The following NECAB2 variants were observed in gnomAD, a reference collection of about 807,000 sequenced individuals.
NECAB2 encodes N-terminal EF-hand calcium binding protein 2.
A neutral mutation model predicts 51.9 loss-of-function variants in NECAB2; 68 were observed. The ratio of observed to expected loss-of-function variants is 1.31; its 90% confidence interval spans 1.08 to 1.60. The LOEUF (loss-of-function observed/expected upper bound fraction) is 1.60. Ranked by LOEUF, NECAB2 falls within the 40% of genes most tolerant of loss-of-function variation. The probability of loss-of-function intolerance (pLI) is 0.00; values close to 1 mark genes in which losing one functional copy is unlikely to be tolerated. For synonymous variants in NECAB2, 329 were observed against 203.5 expected (o/e 1.62, Z -5.25); for missense variants, 854 against 490.3 (o/e 1.74, Z -7.00).
intron 11 of NECAB2, 45 bp from the exon 12 acceptor site, chr16:84,001,780 C>T: frequency 6.2e-7 from 1 of 1,602,246 alleles, no homozygotes; most frequent in Non-Finnish European, 8.5e-7. Flanking sequence ...ACACGCGGAG[C>T]TCCACTCCTG....
chr16:83,983,550 AT>A (rs968443569), intron 5 of NECAB2, among the ~76,000 whole-genome samples: 1 of 151,922 alleles, frequency 6.6e-6, no homozygotes, highest in East Asian at 1.9e-4. Context: ...GTGGTGGTGA[AT>A]TTTTTCAAAT....
rs796712557 is a variant in NECAB2 at position 83,968,308 on chromosome 16, G to A, written c.-341G>A. 2.6e-5 allele frequency among the ~76,000 whole-genome samples: 4 copies of A among 151,394 alleles called. No homozygotes were observed. The highest frequency in any genetic ancestry group is 4.1e-4 in the South Asian group (2 of 4,826). Reference sequence around the variant, plus strand: ...GCGGGGAGAGCAGGAGACTTTTGGGGAGCAGGCCCCAGGGGCGCCGCCCCG... The same window carrying A: ...GCGGGGAGAGCAGGAGACTTTTGGGAAGCAGGCCCCAGGGGCGCCGCCCCG... On this transcript the variant is annotated 5_prime_UTR_variant, in exon 1 of 13. Transcript: ENST00000305202.
chr16:83,976,181 AC>A (rs1328053682), intron 2 of NECAB2, among the ~76,000 whole-genome samples: 2 of 152,062 alleles, frequency 1.3e-5, no homozygotes, highest in Non-Finnish European at 2.9e-5. Flanking sequence ...ACTGCCCCTC[AC>A]CCAAAGTGGG....
intron 9 of NECAB2, among the ~76,000 whole-genome samples, chr16:83,997,850 A>T (rs12926485): frequency 6.6e-6 from 1 of 152,092 alleles, no homozygotes; most frequent in Non-Finnish European, 1.5e-5. Flanking sequence ...GTGATCAGCC[A>T]GACAGTGATG....
chr16:84,002,000 G>A (rs1597235652), intron 12 of NECAB2, 84 bp downstream of exon 12: 3 of 1,441,356 alleles, frequency 2.1e-6, no homozygotes, highest in South Asian at 2.4e-5. Flanking sequence ...TATCTCCCGG[G>A]GACTTGCCTG....
intron 5 of NECAB2, among the ~76,000 whole-genome samples, chr16:83,986,883 C>T (rs1039498880): frequency 2.0e-5 from 3 of 151,928 alleles, no homozygotes; most frequent in Non-Finnish European, 4.4e-5. Flanking sequence ...AAAAGTTGCT[C>T]CAGGGAGGGT....
At chr16:83,965,705 C>A, upstream of NECAB2, 1 of 1,613,678 alleles carries the variant, frequency 6.2e-7, no homozygotes, top group African/African-American at 1.3e-5. Flanking sequence ...GGCCGTGTTC[C>A]AGGACCTCGA....
At chr16:83,977,141 C>T (rs1295985556) in intron 2 of NECAB2, among the ~76,000 whole-genome samples, 2 of 152,210 alleles carry the variant, frequency 1.3e-5, no homozygotes, top group African/African-American at 2.4e-5. Context: ...ACTCTCAGGG[C>T]CCTTGTCCCA....
upstream of NECAB2, chr16:83,966,249 G>A (rs536713912): frequency 5.4e-5 from 29 of 539,816 alleles, no homozygotes; most frequent in South Asian, 7.5e-4. Flanking sequence ...AGCTGCTGGT[G>A]TGACCAGCTG....
intron 1 of NECAB2, 48 bp downstream of exon 1, chr16:83,968,897 C>T (rs1241588395): frequency 1.9e-6 from 2 of 1,059,246 alleles, no homozygotes; most frequent in Non-Finnish European, 2.3e-6. Flanking sequence ...CGCTGGGACC[C>T]GGAGCCCCCT....
intron 11 of NECAB2, 113 bp from the exon 12 acceptor site, chr16:84,001,712 C>G (rs1253841663): frequency 5.4e-6 from 6 of 1,119,020 alleles, no homozygotes; most frequent in Admixed American, 2.0e-5. Context: ...CCAAAGACCC[C>G]CCGTGCTTAT....
chr16:83,971,845 T>TGACTGTGG (rs2084350218), intron 1 of NECAB2: 2 of 547,822 alleles, frequency 3.7e-6, no homozygotes, highest in Non-Finnish European at 6.5e-6. Flanking sequence ...CGTGGACTGA[T>TGACTGTGG]GACTGTGGAC....
intron 6 of NECAB2, among the ~76,000 whole-genome samples, chr16:83,992,333 C>G (rs1179099496): frequency 2.7e-5 from 4 of 150,904 alleles, no homozygotes; most frequent in East Asian, 3.9e-4. Context: ...GAGCGACATT[C>G]TCGTGGCTCA....
chr16:83,994,957 A>C (rs532536380), intron 8 of NECAB2, among the ~76,000 whole-genome samples: 1 of 152,310 alleles, frequency 6.6e-6, no homozygotes, highest in Non-Finnish European at 1.5e-5. Context: ...GAGCAGCTCC[A>C]GGAGCAGAGG....
intron 10 of NECAB2, among the ~76,000 whole-genome samples, chr16:83,999,085 C>G (rs916877711): frequency 2.6e-5 from 4 of 152,212 alleles, no homozygotes; most frequent in African/African-American, 7.2e-5. Flanking sequence ...GGCTGTGAAC[C>G]AGGCAGGCCA....
At position 83,980,882 on chromosome 16, in the gene NECAB2, C is replaced by CT; in HGVS notation, c.361+19dup. The CT allele has an allele frequency of 6.2e-7, 1 of 1,612,892 alleles. No individual in the cohort carries two copies. Among genetic ancestry groups the CT allele is most frequent in the Non-Finnish European group, 8.5e-7 (1 of 1,179,288 alleles). ...GCTGTGTGGTAGGTGCCTGGCTATG[C>CT]TGGGACCAAGATGGGGATGCTGGGA... On this transcript the variant is annotated intron_variant, in intron 4 of 12. Transcript: ENST00000305202.
At chr16:83,969,976 C>T (rs1309198756) in intron 1 of NECAB2, among the ~76,000 whole-genome samples, 3 of 152,212 alleles carry the variant, frequency 2.0e-5, no homozygotes, top group South Asian at 4.1e-4. Context: ...GAGTGCCACA[C>T]TCGCAGGCAC....
intron 8 of NECAB2, among the ~76,000 whole-genome samples, chr16:83,995,404 G>A (rs2084683507): frequency 1.3e-5 from 2 of 152,074 alleles, no homozygotes; most frequent in Non-Finnish European, 2.9e-5. Context: ...AAATAACCTG[G>A]AGCATGGGAC....
At position 83,994,592 on chromosome 16, in the gene NECAB2, C is replaced by T. The variant is rs746122559; in HGVS notation, c.716-17C>T. On this transcript the variant is annotated splice_polypyrimidine_tract_variant and intron_variant, in intron 7 of 12. Transcript: ENST00000305202. ...CTGCCCACCACTGAAGTCTGTGTGTCTCTTTCTCTACCGCAGCCACGGAGG... is the reference window on the plus strand; with the variant it reads ...CTGCCCACCACTGAAGTCTGTGTGTTTCTTTCTCTACCGCAGCCACGGAGG... 6.2e-7 allele frequency: 1 copy of T among 1,614,044 alleles called. No homozygotes were observed. The highest frequency in any genetic ancestry group is 8.5e-7 in the Non-Finnish European group (1 of 1,180,018).
Sources: allele counts gnomAD v4.1 joint callset (sites outside exome capture counted in the v4.1 genomes callset), GRCh38; gene constraint gnomAD v4.1.1; transcripts MANE v1.5; gene names NCBI Gene and HGNC (gene_info 2026-07-23, HGNC 2026-07-21).